Variants in RAB24 observed in about 807,000 individuals in gnomAD.
The protein encoded by RAB24 is RAB24, member RAS oncogene family, also known as ras-related protein Rab-24.
Under a neutral mutation model 31.4 loss-of-function variants are expected in RAB24, and 9 were observed. The ratio of observed to expected loss-of-function variants is 0.29; its 90% confidence interval spans 0.17 to 0.50. The LOEUF (loss-of-function observed/expected upper bound fraction) is 0.50. RAB24 is among the 20% of genes least tolerant of loss of function. The pLI, the probability that RAB24 is intolerant of heterozygous loss-of-function variation, is 0.98. For synonymous variants in RAB24, 106 were observed against 94.1 expected, an observed-to-expected ratio of 1.13 and a Z score of -0.73; for missense variants, 197 against 265.2, an observed-to-expected ratio of 0.74 and a Z score of 1.79.
At position 177,303,138 on chromosome 5, in the gene RAB24, G is replaced by A. The variant is rs780387532; in HGVS notation, c.117+34C>T. On this transcript the variant is annotated intron_variant, in intron 1 of 7. Transcript: ENST00000303251. The surrounding 1 kb of genome is among the most constrained non-coding windows in gnomAD (Gnocchi z 6.1). ...CAGATTACCGGCCCCCCACTCCCCC[G>A]CCCACCGTGCCTGGCCCCTCCGGAT... is the stretch of plus-strand genomic sequence containing the variant. The A allele has an allele frequency of 2.6e-6, 4 of 1,527,638 alleles. No homozygotes were observed. The Admixed American group carries it at 5.0e-5, about 19-fold the overall frequency. 94.6% of individuals were successfully genotyped at this position (1,527,638 alleles called of 1,614,324 possible). A position where few individuals can be genotyped will look rare whatever the true frequency, so the allele number is the denominator to read the frequency against.
intron 7 of RAB24, 44 bp downstream of exon 7, chr5:177,301,881 G>GT (rs1390729190): frequency 1.2e-6 from 2 of 1,612,546 alleles, no homozygotes; most frequent in East Asian, 2.2e-5. Flanking sequence ...GCTAGATGCT[G>GT]TGGGCCTAGA....
chr5:177,301,798 C>A lies in RAB24; in HGVS notation c.557G>T (p.Gly186Val). Reference sequence around the variant, plus strand: ...GTTTGGCTTCTGGCCCAGATCCACGCCCTTGTCCTCTGTCAAAAAGAGAGG... The same window carrying A: ...GTTTGGCTTCTGGCCCAGATCCACGACCTTGTCCTCTGTCAAAAAGAGAGG... The part of the protein sequence containing the change: ...AAFQVMTEDK[G>V]VDLGQKPNPY... Residue 186 changes from glycine to valine, a missense_variant, in exon 8 of 8, where the codon GGC becomes GTC. By Grantham distance (109) the Gly-to-Val change is moderately radical. Coordinates refer to ENST00000303251, the MANE Select transcript of RAB24 (RefSeq NM_001031677.4). 9 of 1,614,196 alleles carry A rather than the reference C, an allele frequency of 5.6e-6. No homozygotes were observed. The highest frequency in any genetic ancestry group is 6.8e-6 in the Non-Finnish European group (8 of 1,180,034).
chr5:177,301,996 AAAAAT>A lies in RAB24; in HGVS notation c.485-14_485-10del, dbSNP rs1330857740. The stretch of plus-strand genomic sequence containing the variant: ...TTTCTGGAAGAGCTCGTCTGGCAGG[AAAAAT>A]GATGATCAGCGAGGGCCCAATGCCA... On this transcript the variant is annotated splice_polypyrimidine_tract_variant and intron_variant, in intron 6 of 7. Coordinates refer to ENST00000303251, the MANE Select transcript of RAB24 (RefSeq NM_001031677.4). 6.2e-7 allele frequency: 1 copy of A among 1,613,906 alleles called. No individual in the cohort carries two copies. The highest frequency in any genetic ancestry group is 8.5e-7 in the Non-Finnish European group (1 of 1,179,858).
rs1561589246 is a variant in RAB24 at position 177,302,110 on chromosome 5, C to A, written c.484+18G>T. On this transcript the variant is annotated intron_variant, in intron 6 of 7. Coordinates refer to ENST00000303251, the MANE Select transcript of RAB24 (RefSeq NM_001031677.4). ...GCCCCTGCATGTTCCTGCTGTGAGG[C>A]TCCAGCACAGCACTCACCCACACTC... 5 of 1,613,894 alleles carry A rather than the reference C, an allele frequency of 3.1e-6. No individual in the cohort carries two copies. In the East Asian group the frequency reaches 1.1e-4, roughly 36 times the overall value.
rs1212064763 is a variant in RAB24, at chr5:177,301,529, C to G, written c.*214G>C. On this transcript the variant is annotated 3_prime_UTR_variant, in exon 8 of 8. Transcript: ENST00000303251. The stretch of plus-strand genomic sequence containing the variant: ...CTGCAGACACAAGTGCTGTCCAGGG[C>G]AGAAGCCTGGGGTCCAAATCAGCCT... 4 of 603,050 alleles carry G rather than the reference C, an allele frequency of 6.6e-6. No individual in the cohort carries two copies. In the East Asian group the frequency reaches 1.1e-4, roughly 17 times the overall value. The allele number at this position is 603,050 out of a possible 1,614,324, so 37.4% of individuals were successfully genotyped here.
At chr5:177,302,030 G>C (rs777775705) in intron 6 of RAB24, 43 bp from the exon 7 acceptor site, 1 of 1,611,292 alleles carries the variant, frequency 6.2e-7, no homozygotes, top group South Asian at 1.1e-5. Context: ...AATGCCAGTA[G>C]CCCTGGGATC....
At chr5:177,302,362 C>T (rs1232292045) in intron 5 of RAB24, 35 bp downstream of exon 5, 2 of 1,607,704 alleles carry the variant, frequency 1.2e-6, no homozygotes, top group Non-Finnish European at 1.7e-6. Flanking sequence ...GACAGCCACA[C>T]ACCCCCACCC....
chr5:177,302,641 A>C lies in RAB24; in HGVS notation c.269T>G (p.Leu90Arg). Residue 90 changes from leucine to arginine, a missense_variant, in exon 4 of 8, where the codon CTC (leucine) becomes CGC (arginine). Physicochemically the swap from Leu to Arg is moderately radical, Grantham distance 102. Around this residue, in one of 2 missense-constraint regions of RAB24, gnomAD observed 148 missense variants for 159.7 expected, o/e 0.93. Coordinates refer to ENST00000303251, the MANE Select transcript of RAB24 (RefSeq NM_001031677.4). ...TCGCTCAAAGCTGCTGCTGTCTGTG[A>C]GGTCTTGGTGTGCGGCATGCAGGAG... The part of the protein sequence containing the change: ...GAKAAIVCYD[L>R]TDSSSFERAK... 6.2e-7 allele frequency: 1 copy of C among 1,613,978 alleles called. No individual in the cohort carries two copies. Among genetic ancestry groups the C allele is most frequent in the Non-Finnish European group, 8.5e-7 (1 of 1,179,994 alleles).
chr5:177,303,656 C>G lies in RAB24; in HGVS notation c.-368G>C, dbSNP rs1213177886. On this transcript the variant is annotated 5_prime_UTR_variant, in exon 1 of 8. Coordinates refer to ENST00000303251, the MANE Select transcript of RAB24 (RefSeq NM_001031677.4). This position sits in a 1 kb window ranked among gnomAD's most constrained non-coding sequence, Gnocchi z 6.1. ...TTCTGGCTGGGAATCCCAACCGAAC[C>G]TGGGGTCTCCCGCAACCCGGCTCCT... The G allele has an allele frequency of 5.1e-6, 2 of 390,804 alleles. No homozygotes were observed. Among genetic ancestry groups the G allele is most frequent in the African/African-American group, 2.1e-5 (1 of 46,864 alleles). The allele number at this position is 390,804 out of a possible 1,614,324, so 24.2% of individuals were successfully genotyped here.
chr5:177,302,371 C>A (rs1168893857), intron 5 of RAB24, 26 bp downstream of exon 5: 2 of 1,610,844 alleles, frequency 1.2e-6, no homozygotes, highest in Admixed American at 3.3e-5. Flanking sequence ...ACACCCCCAC[C>A]CCCCAAAGGG....
In RAB24 at chr5:177,302,566, T is replaced by C; in HGVS notation, c.333+11A>G. On this transcript the variant is annotated intron_variant, in intron 4 of 7. Transcript: ENST00000303251. ...CAGCCCCTAGTGTTCTAGTGAGGTCTGTTCACCTACCTCCTCTAGGCTGCG... is the reference window on the plus strand; with the variant it reads ...CAGCCCCTAGTGTTCTAGTGAGGTCCGTTCACCTACCTCCTCTAGGCTGCG... 1 of 1,614,176 alleles carries C rather than the reference T, an allele frequency of 6.2e-7. No homozygotes were observed. The highest frequency in any genetic ancestry group is 2.2e-5 in the East Asian group (1 of 44,890).
rs1177902133 is a variant in RAB24, at chr5:177,301,620, G to A, written c.*123C>T. ...GTTCCATGGGCCAGCACAGGCAGGC[G>A]CCACTCTGCTGACATGAGGACCTGG... is the stretch of plus-strand genomic sequence containing the variant. On this transcript the variant is annotated 3_prime_UTR_variant, in exon 8 of 8. Coordinates refer to ENST00000303251, the MANE Select transcript of RAB24 (RefSeq NM_001031677.4). 9 of 1,092,294 alleles carry A rather than the reference G, an allele frequency of 8.2e-6. No individual in the cohort carries two copies. Among genetic ancestry groups the A allele is most frequent in the African/African-American group, 3.1e-5 (2 of 63,992 alleles). 67.7% of individuals were successfully genotyped at this position (1,092,294 alleles called of 1,614,324 possible).
Position 177,302,142 on chromosome 5 carries a change from G to A in RAB24, c.470C>T (p.Thr157Ile). The change falls in exon 6 of 8, where the codon ACA becomes ATA. Residue 157 changes from threonine (T) to isoleucine (I), a missense_variant. Around this residue, in one of 2 missense-constraint regions of RAB24, gnomAD observed 148 missense variants for 159.7 expected, o/e 0.93. Coordinates refer to ENST00000303251, the MANE Select transcript of RAB24 (RefSeq NM_001031677.4). ...ACAGCACTCACCCACACTCTGGCCT[G>A]TCTTGCTGGATGTTTCAAAGAGCTG... ...KAQLFETSSK[T>I]GQSVDELFQK... 1 of 1,614,188 alleles carries A rather than the reference G, an allele frequency of 6.2e-7. No individual in the cohort carries two copies. Among genetic ancestry groups the A allele is most frequent in the Non-Finnish European group, 8.5e-7 (1 of 1,180,012 alleles).
In RAB24 at chr5:177,303,353, C is replaced by T; in HGVS notation, c.-65G>A. Reference sequence around the variant, plus strand: ...GGGACGGGAGGCAAACCCCGATCTCCGCTCGGCCCAGGCAGCGCCCAAGCC... The same window carrying T: ...GGGACGGGAGGCAAACCCCGATCTCTGCTCGGCCCAGGCAGCGCCCAAGCC... On this transcript the variant is annotated 5_prime_UTR_variant, in exon 1 of 8. Coordinates refer to ENST00000303251, the MANE Select transcript of RAB24 (RefSeq NM_001031677.4). The surrounding 1 kb of genome is among the most constrained non-coding windows in gnomAD (Gnocchi z 6.1). 6.6e-7 allele frequency: 1 copy of T among 1,520,592 alleles called. No homozygotes were observed. The highest frequency in any genetic ancestry group is 9.1e-7 in the Non-Finnish European group (1 of 1,100,224). The allele number at this position is 1,520,592 out of a possible 1,614,324, so 94.2% of individuals were successfully genotyped here.
In RAB24 at chr5:177,303,659, G is replaced by C. The variant is rs994513288; in HGVS notation, c.-371C>G. ...TGGCTGGGAATCCCAACCGAACCTG[G>C]GGTCTCCCGCAACCCGGCTCCTACC... On this transcript the variant is annotated 5_prime_UTR_variant, in exon 1 of 8. Coordinates refer to ENST00000303251, the MANE Select transcript of RAB24 (RefSeq NM_001031677.4). The surrounding 1 kb of genome is among the most constrained non-coding windows in gnomAD (Gnocchi z 6.1). 4.1e-5 allele frequency: 16 copies of C among 388,628 alleles called. No homozygotes were observed. Among genetic ancestry groups the C allele is most frequent in the Non-Finnish European group, 7.4e-5 (16 of 216,942 alleles). 24.1% of individuals were successfully genotyped at this position (388,628 alleles called of 1,614,324 possible). A position where few individuals can be genotyped will look rare whatever the true frequency, so the allele number is the denominator to read the frequency against.
At chr5:177,302,973 A>G (rs1488086271) in intron 2 of RAB24, 36 bp downstream of exon 2, 1 of 1,608,238 alleles carries the variant, frequency 6.2e-7, no homozygotes, top group African/African-American at 1.3e-5. Context: ...CTCCTCAGGA[A>G]TGAGTCTCCC....
intron 6 of RAB24, 24 bp downstream of exon 6, chr5:177,302,104 G>C (rs774663988): frequency 6.2e-7 from 1 of 1,613,814 alleles, no homozygotes; most frequent in Non-Finnish European, 8.5e-7. Flanking sequence ...TGTTCCTGCT[G>C]TGAGGCTCCA....
chr5:177,301,868 G>C (rs1197527625), intron 7 of RAB24, 57 bp downstream of exon 7: 7 of 1,612,832 alleles, frequency 4.3e-6, no homozygotes, highest in Non-Finnish European at 5.9e-6. Context: ...ACTCAGGAAA[G>C]GGGCTAGATG....
Position 177,302,737 on chromosome 5 carries a change from C to A in RAB24, c.265+15G>T, listed in dbSNP as rs935738784. 12 of 189,002 alleles carry A rather than the reference C, an allele frequency of 6.3e-5. No individual in the cohort carries two copies. The highest frequency in any genetic ancestry group is 8.2e-5 in the Non-Finnish European group (12 of 145,962). 11.7% of individuals were successfully genotyped at this position (189,002 alleles called of 1,614,324 possible). A position where few individuals can be genotyped will look rare whatever the true frequency, so the allele number is the denominator to read the frequency against. On this transcript the variant is annotated intron_variant, in intron 3 of 7. Transcript: ENST00000303251. Reference sequence around the variant, plus strand: ...TCTTTTCTTGTGAGACAGCCCAAACCCCCCCCCCCCTTACCATAGCAGACG... The same window carrying A: ...TCTTTTCTTGTGAGACAGCCCAAACACCCCCCCCCCTTACCATAGCAGACG...
Sources: gnomAD v4.1 joint callset for allele counts on GRCh38, gnomAD v4.1.1 for gene constraint, gnomAD v4.1.1 regional missense constraint, Gnocchi (gnomAD v3.1) non-coding constraint, MANE v1.5 for transcripts, NCBI Gene and HGNC (gene_info 2026-07-23, HGNC 2026-07-21) for gene names.